The following LEMD3 variants were observed in gnomAD, a reference collection of about 807,000 sequenced individuals.
LEMD3 encodes LEM domain containing 3, also known as inner nuclear membrane protein Man1.
In LEMD3, 33 loss-of-function variants were observed where a neutral mutation model predicts 95.2. The ratio of observed to expected loss-of-function variants is 0.35; its 90% CI spans 0.26 to 0.46. The LOEUF is 0.46. Ranked by LOEUF, LEMD3 falls within the 20% of genes least tolerant of loss-of-function variation. The pLI is 1.00. For missense variants in LEMD3, 1,210 were observed against 1,192.8 expected, an observed-to-expected ratio of 1.01 and a Z score of -0.21; for synonymous variants, 525 against 474.6, an observed-to-expected ratio of 1.11 and a Z score of -1.38.
intron 1 of LEMD3, among the ~76,000 whole-genome samples, chr12:65,181,363 A>G (rs940286397): frequency 2.6e-5 from 4 of 152,170 alleles, no homozygotes; most frequent in African/African-American, 9.6e-5. Flanking sequence ...TATACTATGT[A>G]CCAGGTAATG....
chr12:65,236,192 C>CT (rs574616705), intron 4 of LEMD3, among the ~76,000 whole-genome samples: 2 of 151,888 alleles, frequency 1.3e-5, no homozygotes, highest in East Asian at 1.9e-4. Context: ...TTAGAAAAAT[C>CT]TTTTTTTTAG....
At chr12:65,237,477 G>C (rs1870806693) in intron 4 of LEMD3, among the ~76,000 whole-genome samples, 1 of 152,140 alleles carries the variant, frequency 6.6e-6, no homozygotes, top group African/African-American at 2.4e-5. Flanking sequence ...AATGTTAGTT[G>C]CAATGTGGAA....
At chr12:65,211,114 GTTAT>G in intron 2 of LEMD3, 151 bp downstream of exon 2, 1 of 638,162 alleles carries the variant, frequency 1.6e-6, no homozygotes, top group Non-Finnish European at 2.7e-6. Flanking sequence ...TAATTTTAAG[GTTAT>G]TTTAGTCTAA....
chr12:65,246,075 G>T, intron 12 of LEMD3, 87 bp from the exon 13 acceptor site: 1 of 1,246,536 alleles, frequency 8.0e-7, no homozygotes. Flanking sequence ...TTTATGTTTT[G>T]TGCTCATATG....
intron 9 of LEMD3, 23 bp downstream of exon 9, chr12:65,241,110 A>C (rs1870925061): frequency 3.7e-6 from 6 of 1,600,100 alleles, no homozygotes; most frequent in Non-Finnish European, 5.1e-6. Context: ...AAACATCAAA[A>C]AAGTAATTTT....
At chr12:65,218,711 A>G in intron 4 of LEMD3, 92 bp downstream of exon 4, 1 of 766,054 alleles carries the variant, frequency 1.3e-6, no homozygotes, top group Non-Finnish European at 2.2e-6. Context: ...GATTATTTTA[A>G]TTGTACTGTT....
intron 1 of LEMD3, among the ~76,000 whole-genome samples, chr12:65,173,580 G>C (rs771482743): frequency 6.6e-6 from 1 of 152,116 alleles, no homozygotes; most frequent in East Asian, 1.9e-4. Flanking sequence ...CTGTCTCTGG[G>C]TTTGTTTGTG....
chr12:65,202,393 G>A (rs895215921), intron 1 of LEMD3, among the ~76,000 whole-genome samples: 4 of 151,798 alleles, frequency 2.6e-5, no homozygotes, highest in African/African-American at 9.7e-5. Context: ...TCTTTAGCCT[G>A]TTGATATGGA....
chr12:65,215,864 A>G, intron 2 of LEMD3, 113 bp from the exon 3 acceptor site: 2 of 563,424 alleles, frequency 3.5e-6, no homozygotes, highest in South Asian at 2.5e-5. Context: ...TGTCTTTCAG[A>G]TTATGTGGCT....
chr12:65,203,083 T>C (rs901990544), intron 1 of LEMD3, among the ~76,000 whole-genome samples: 7 of 152,202 alleles, frequency 4.6e-5, no homozygotes, highest in African/African-American at 1.7e-4. Flanking sequence ...ATGCTTACTT[T>C]GGATTTAATT....
chr12:65,196,091 T>G (rs1869421058), intron 1 of LEMD3, among the ~76,000 whole-genome samples: 1 of 151,890 alleles, frequency 6.6e-6, no homozygotes, highest in Non-Finnish European at 1.5e-5. Flanking sequence ...CTGGTTGATG[T>G]GTGGGCCTAA....
intron 2 of LEMD3, among the ~76,000 whole-genome samples, chr12:65,212,616 A>G (rs930190576): frequency 2.6e-5 from 4 of 152,154 alleles, no homozygotes; most frequent in Admixed American, 6.5e-5. Flanking sequence ...GTGACAATAT[A>G]TGAGAAAATT....
intron 4 of LEMD3, among the ~76,000 whole-genome samples, chr12:65,237,314 C>T (rs1870802289): frequency 6.6e-6 from 1 of 152,106 alleles, no homozygotes; most frequent in Non-Finnish European, 1.5e-5. Flanking sequence ...TTCAATCTGT[C>T]ATGATGTTTT....
At position 65,247,724 on chromosome 12, in the gene LEMD3, G is replaced by A. The variant is rs1174246237; in HGVS notation, c.*1399G>A. The A allele has an allele frequency of 6.6e-6, 1 of 152,432 alleles. No homozygotes were observed. Among genetic ancestry groups the A allele is most frequent in the African/African-American group, 2.4e-5 (1 of 41,384 alleles). The allele number at this position is 152,432 out of a possible 1,614,324, so 9.4% of individuals were successfully genotyped here. On this transcript the variant is annotated 3_prime_UTR_variant, in exon 13 of 13. Coordinates refer to ENST00000308330, the MANE Select transcript of LEMD3 (RefSeq NM_014319.5). ...CCTTTTTGTTTTATTGTATGCGTTG[G>A]GTTTGCAGCATGAACTTGCACAGAT... is the stretch of plus-strand genomic sequence containing the variant.
intron 6 of LEMD3, among the ~76,000 whole-genome samples, chr12:65,239,395 A>C (rs1422761465): frequency 6.6e-6 from 1 of 152,074 alleles, no homozygotes; most frequent in Non-Finnish European, 1.5e-5. Context: ...AAAAATTTTT[A>C]AAATTAGACA....
At position 65,240,966 on chromosome 12, in the gene LEMD3, T is replaced by C; in HGVS notation, c.2184T>C (p.Ser728=). The C allele has an allele frequency of 6.2e-7, 1 of 1,614,090 alleles. No homozygotes were observed. The highest frequency in any genetic ancestry group is 1.3e-5 in the African/African-American group (1 of 75,060). The change falls in exon 9 of 13, where the codon TCT becomes TCC. Residue 728 remains serine, a synonymous_variant. Transcript: ENST00000308330. ...RAVDFLAANE[S]RVRTETRRIG... Reference sequence around the variant, plus strand: ...TTGACTTCCTTGCTGCTAATGAGTCTAGAGTTCGCACGGAAACACGAAGAA... The same window carrying C: ...TTGACTTCCTTGCTGCTAATGAGTCCAGAGTTCGCACGGAAACACGAAGAA...
intron 1 of LEMD3, among the ~76,000 whole-genome samples, chr12:65,194,718 G>C (rs1009313554): frequency 7.1e-6 from 1 of 141,518 alleles, no homozygotes; most frequent in Non-Finnish European, 1.5e-5. Context: ...CAGAATTTGG[G>C]CTCCTCTCAT....
chr12:65,210,967 A>G lies in LEMD3; in HGVS notation c.1560+4A>G. On this transcript the variant is annotated splice_donor_region_variant and intron_variant, in intron 2 of 12. Transcript: ENST00000308330. ...TGAAACATTTGGAAAAATACAAGTA[A>G]GTAAACGATCATAATACTGATAATT... is the stretch of plus-strand genomic sequence containing the variant. 6.3e-7 allele frequency: 1 copy of G among 1,580,828 alleles called. No homozygotes were observed. The highest frequency in any genetic ancestry group is 1.1e-5 in the South Asian group (1 of 90,430).
intron 2 of LEMD3, among the ~76,000 whole-genome samples, chr12:65,215,013 A>T (rs2136338580): frequency 6.6e-6 from 1 of 152,298 alleles, no homozygotes; most frequent in East Asian, 1.9e-4. Flanking sequence ...TGGCCCGGGT[A>T]GTATTCCTGA....
Sources: gnomAD v4.1 joint callset for allele counts (sites outside exome capture counted in the v4.1 genomes callset) on GRCh38, gnomAD v4.1.1 for gene constraint, MANE v1.5 for transcripts, NCBI Gene and HGNC (gene_info 2026-07-23, HGNC 2026-07-21) for gene names.